The following POT1 variants were observed in gnomAD, a reference collection of about 807,000 sequenced individuals.
POT1 encodes the protein protection of telomeres 1.
Under a neutral mutation model 78.5 loss-of-function variants are expected in POT1, and 47 were observed. The ratio of observed to expected loss-of-function variants is 0.60; its 90% CI spans 0.47 to 0.76. POT1 has a LOEUF of 0.76. Among genes scored for constraint, POT1 ranks in the 30% least tolerant of loss-of-function variants. The pLI, the probability that POT1 is intolerant of heterozygous loss-of-function variation, is 0.00. For missense variants in POT1, 646 were observed against 749.9 expected (o/e 0.86, Z 1.62); for synonymous variants, 259 against 260.7 (o/e 0.99, Z 0.06).
chr7:124,832,272 A>T (rs892677910), intron 15 of POT1, among the ~76,000 whole-genome samples: 12 of 151,270 alleles, frequency 7.9e-5, no homozygotes, highest in Admixed American at 7.9e-4. Flanking sequence ...AAAAAAAAAA[A>T]AAGTCTGAAA....
At position 124,825,315 on chromosome 7, in the gene POT1, C is replaced by A. The variant is rs764901825; in HGVS notation, c.1729G>T (p.Asp577Tyr). ...ATATCCACACTTTTCTGAAGGTCAT[C>A]ATCCATCAGAACTTCTGATGCTGGA... ...QIPASEVLMDDDLQKSVDMIM... is the reference protein window; with the variant it reads ...QIPASEVLMDYDLQKSVDMIM... Residue 577 changes from aspartate to tyrosine, a missense_variant, in exon 18 of 19, where the codon GAT becomes TAT. By Grantham distance (160) the Asp-to-Tyr change is radical. This residue lies in a region of POT1 where 394 missense variants were observed against 408.4 expected (regional missense o/e 0.96). Coordinates refer to ENST00000357628, the MANE Select transcript of POT1 (RefSeq NM_015450.3). 7 of 1,611,012 alleles carry A rather than the reference C, an allele frequency of 4.3e-6. No homozygotes were observed. Among genetic ancestry groups the A allele is most frequent in the Non-Finnish European group, 5.9e-6 (7 of 1,178,566 alleles).
chr7:124,867,260 C>T (rs1348300095), intron 7 of POT1, among the ~76,000 whole-genome samples: 1 of 150,692 alleles, frequency 6.6e-6, no homozygotes, highest in African/African-American at 2.4e-5. Context: ...ATATCTTTGC[C>T]TTCATGCTTG....
At chr7:124,880,506 G>T (rs1462639124) in intron 6 of POT1, among the ~76,000 whole-genome samples, 1 of 151,948 alleles carries the variant, frequency 6.6e-6, no homozygotes, top group African/African-American at 2.4e-5. Flanking sequence ...AGTCCCTGTA[G>T]CACTTACATA....
At chr7:124,927,654 G>C (rs993363071) in intron 2 of POT1, among the ~76,000 whole-genome samples, 4 of 151,868 alleles carry the variant, frequency 2.6e-5, no homozygotes, top group Non-Finnish European at 5.9e-5. Context: ...TCTATGCTTT[G>C]GCTCAAACCC....
intron 17 of POT1, among the ~76,000 whole-genome samples, chr7:124,825,645 T>G (rs960798396): frequency 6.6e-6 from 1 of 152,124 alleles, no homozygotes; most frequent in Non-Finnish European, 1.5e-5. Flanking sequence ...ATTCTCTTTG[T>G]GCATAGAAAA....
At chr7:124,870,262 T>C (rs1795835072) in intron 7 of POT1, among the ~76,000 whole-genome samples, 2 of 152,124 alleles carry the variant, frequency 1.3e-5, no homozygotes, top group African/African-American at 4.8e-5. Flanking sequence ...ATAAATATTA[T>C]AGCAATAAAG....
At chr7:124,906,908 T>G in intron 3 of POT1, among the ~76,000 whole-genome samples, 1 of 152,116 alleles carries the variant, frequency 6.6e-6, no homozygotes, top group East Asian at 1.9e-4. Flanking sequence ...TAGTAGTTTG[T>G]ATAAACACTC....
intron 6 of POT1, among the ~76,000 whole-genome samples, chr7:124,886,049 C>A (rs533901710): frequency 6.6e-6 from 1 of 152,058 alleles, no homozygotes; most frequent in African/African-American, 2.4e-5. Flanking sequence ...GGATTTCTAC[C>A]AGAAATAAGA....
chr7:124,905,941 C>T (rs915626455), intron 3 of POT1, among the ~76,000 whole-genome samples: 8 of 152,124 alleles, frequency 5.3e-5, no homozygotes, highest in African/African-American at 1.7e-4. Flanking sequence ...CAATGAGATA[C>T]CATCTCACAC....
chr7:124,882,358 T>A (rs1005459641), intron 6 of POT1, among the ~76,000 whole-genome samples: 2 of 152,030 alleles, frequency 1.3e-5, no homozygotes, highest in Non-Finnish European at 1.5e-5. Flanking sequence ...CTACATTATG[T>A]GCTGTCATCT....
chr7:124,898,865 T>C (rs564837719), intron 3 of POT1, among the ~76,000 whole-genome samples: 1 of 152,310 alleles, frequency 6.6e-6, no homozygotes, highest in South Asian at 2.1e-4. Context: ...TTCTTTCTAC[T>C]TAGGTTTGTA....
At chr7:124,850,356 AT>A (rs1795273107) in intron 11 of POT1, among the ~76,000 whole-genome samples, 1 of 152,238 alleles carries the variant, frequency 6.6e-6, no homozygotes, top group Admixed American at 6.5e-5. Flanking sequence ...ATTATATGAT[AT>A]CCATCCATCA....
At chr7:124,920,800 A>T (rs1234004927) in intron 2 of POT1, among the ~76,000 whole-genome samples, 1 of 152,160 alleles carries the variant, frequency 6.6e-6, no homozygotes, top group East Asian at 1.9e-4. Context: ...ATTAATAAAA[A>T]TGTTAAAATT....
chr7:124,854,441 TA>T (rs149065500), intron 9 of POT1, among the ~76,000 whole-genome samples: 3,098 of 149,218 alleles, frequency 0.021, 96 homozygotes, highest in African/African-American at 0.07. Flanking sequence ...AGGAAACGTT[TA>T]AAAAAAAAAG....
chr7:124,851,594 T>C (rs1425063508), intron 11 of POT1, among the ~76,000 whole-genome samples: 3 of 152,220 alleles, frequency 2.0e-5, no homozygotes, highest in Admixed American at 6.5e-5. Context: ...AAATAGTCTA[T>C]GAAATCAATA....
intron 6 of POT1, among the ~76,000 whole-genome samples, chr7:124,875,326 C>T (rs1795963747): frequency 6.6e-6 from 1 of 152,010 alleles, no homozygotes; most frequent in Admixed American, 6.6e-5. Flanking sequence ...TCTGTGTACA[C>T]TTAAAAAGAC....
intron 8 of POT1, among the ~76,000 whole-genome samples, chr7:124,860,923 C>T (rs1054858570): frequency 6.6e-6 from 1 of 152,144 alleles, no homozygotes; most frequent in African/African-American, 2.4e-5. Context: ...CATGTCCTTG[C>T]AAAGGATATG....
chr7:124,854,626 G>A (rs1054496636), intron 9 of POT1, among the ~76,000 whole-genome samples: 15 of 151,556 alleles, frequency 9.9e-5, no homozygotes, highest in African/African-American at 3.4e-4. Context: ...ACCAATCAAG[G>A]GTTTTATAAG....
chr7:124,831,957 T>C (rs1770212921), intron 15 of POT1, among the ~76,000 whole-genome samples: 1 of 147,360 alleles, frequency 6.8e-6, no homozygotes, highest in South Asian at 2.1e-4. Context: ...GGGATTGATA[T>C]GGCATTATAC....
Sources: allele counts gnomAD v4.1 joint callset (sites outside exome capture counted in the v4.1 genomes callset), GRCh38; gene constraint gnomAD v4.1.1; regional missense constraint gnomAD v4.1.1; transcripts MANE v1.5; gene names NCBI Gene and HGNC (gene_info 2026-07-23, HGNC 2026-07-21).